Variants in PLSCR2 observed in about 807,000 individuals in gnomAD.
PLSCR2 encodes PL scramblase 2.
In PLSCR2, 18 loss-of-function variants were observed where a neutral mutation model predicts 25.3. The ratio of observed to expected loss-of-function variants is 0.71; its 90% CI spans 0.49 to 1.06. The LOEUF (loss-of-function observed/expected upper bound fraction) is 1.06. Among genes scored for constraint, PLSCR2 ranks in the 50% least tolerant of loss-of-function variants. PLSCR2 has a pLI of 0.00. For synonymous variants in PLSCR2, 88 were observed against 87.3 expected (o/e 1.01, Z -0.04); for missense variants, 243 against 269.5 (o/e 0.90, Z 0.69).
downstream of PLSCR2, among the ~76,000 whole-genome samples, chr3:146,432,523 A>G (rs2039583311): frequency 6.6e-6 from 1 of 152,332 alleles, no homozygotes; most frequent in East Asian, 1.9e-4. Context: ...CTAAGACACC[A>G]TATCTGTATA....
chr3:146,422,566 T>A (rs1205270142), intron 2 of PLSCR2, among the ~76,000 whole-genome samples: 1 of 152,022 alleles, frequency 6.6e-6, no homozygotes, highest in Non-Finnish European at 1.5e-5. Flanking sequence ...TTGATGGAAC[T>A]GGTTATACAT....
At chr3:146,473,180 A>G (rs1180810431) in intron 1 of PLSCR2, among the ~76,000 whole-genome samples, 4 of 152,086 alleles carry the variant, frequency 2.6e-5, no homozygotes, top group African/African-American at 9.6e-5. Context: ...AAATTTGTTG[A>G]AATCTTATGC....
intron 1 of PLSCR2, among the ~76,000 whole-genome samples, chr3:146,480,668 G>T (rs1430250140): frequency 6.6e-6 from 1 of 152,138 alleles, no homozygotes; most frequent in African/African-American, 2.4e-5. Context: ...AGAGGAGATG[G>T]TACCATTCCT....
intron 6 of PLSCR2, among the ~76,000 whole-genome samples, chr3:146,444,562 T>C (rs1318946428): frequency 6.6e-6 from 1 of 152,054 alleles, no homozygotes; most frequent in Non-Finnish European, 1.5e-5. Context: ...ATATATATTG[T>C]CTAGTGTAAG....
At chr3:146,490,533 T>G (rs2043509847) in intron 1 of PLSCR2, among the ~76,000 whole-genome samples, 2 of 152,198 alleles carry the variant, frequency 1.3e-5, no homozygotes, top group Admixed American at 6.5e-5. Flanking sequence ...TTTATGAATC[T>G]GGGTGTTCCA....
In PLSCR2 at chr3:146,411,076, GT is replaced by G. The variant is rs139369809; in HGVS notation, c.101-15156del. On this transcript the variant is annotated intron_variant and NMD_transcript_variant, in intron 2 of 3. Coordinates refer to the PLSCR2 transcript ENST00000463633. Reference sequence around the variant, plus strand: ...CACCATTCACACAGAATTTATAACAGTTTTTTTTTTCTTTCCCGGAGATTCT... The same window carrying G: ...CACCATTCACACAGAATTTATAACAGTTTTTTTTTCTTTCCCGGAGATTCT... Among the ~76,000 whole-genome samples the G allele has an allele frequency of 1.8e-3, 267 of 150,000 alleles. 2 individuals are homozygous for G. The highest frequency in any genetic ancestry group is 6.0e-3 in the African/African-American group (247 of 40,918).
intron 3 of PLSCR2, among the ~76,000 whole-genome samples, chr3:146,393,215 A>C (rs1348150406): frequency 6.6e-6 from 1 of 151,290 alleles, no homozygotes; most frequent in Non-Finnish European, 1.5e-5. Flanking sequence ...TTTTCAGCAG[A>C]GACAGGGTTT....
intron 3 of PLSCR2, among the ~76,000 whole-genome samples, chr3:146,455,745 G>T (rs1166262597): frequency 6.6e-6 from 1 of 152,180 alleles, no homozygotes; most frequent in Non-Finnish European, 1.5e-5. Context: ...GCTGCTGAGG[G>T]TTGGGGCAAT....
intron 2 of PLSCR2, among the ~76,000 whole-genome samples, chr3:146,403,306 A>G (rs947597463): frequency 1.3e-5 from 2 of 152,198 alleles, no homozygotes; most frequent in Non-Finnish European, 2.9e-5. Context: ...AAGTGTCTTC[A>G]TTTAGAGTGG....
intron 3 of PLSCR2, among the ~76,000 whole-genome samples, chr3:146,391,923 T>C (rs1274243056): frequency 2.6e-5 from 4 of 152,144 alleles, no homozygotes; most frequent in Non-Finnish European, 5.9e-5. Flanking sequence ...AATCCCAAAA[T>C]CTACCATAAG....
intron 2 of PLSCR2, among the ~76,000 whole-genome samples, chr3:146,420,707 A>G (rs2039119866): frequency 6.6e-6 from 1 of 152,104 alleles, no homozygotes; most frequent in Admixed American, 6.6e-5. Context: ...AATACTTTCT[A>G]TATTATAGAT....
chr3:146,399,850 A>G (rs183604186), intron 2 of PLSCR2, among the ~76,000 whole-genome samples: 2 of 146,946 alleles, frequency 1.4e-5, no homozygotes, highest in Non-Finnish European at 3.0e-5. Flanking sequence ...TTTTCTTACC[A>G]TATATAAGTA....
chr3:146,408,764 G>A (rs576300254), intron 2 of PLSCR2, among the ~76,000 whole-genome samples: 1 of 152,232 alleles, frequency 6.6e-6, no homozygotes, highest in East Asian at 1.9e-4. Context: ...TCGGGCCCTT[G>A]GACAACTTCG....
Position 146,393,000 on chromosome 3 carries a change from A to T in PLSCR2, c.*146-1438T>A, listed in dbSNP as rs530210377. On this transcript the variant is annotated intron_variant and NMD_transcript_variant, in intron 3 of 3. Coordinates refer to the PLSCR2 transcript ENST00000463633. The stretch of plus-strand genomic sequence containing the variant: ...TTTAAATTTTTTGTTACGGCTTTTT[A>T]AAAAAATAATTGGGTTATTTACATT... Among the ~76,000 whole-genome samples the T allele has an allele frequency of 2.3e-3, 344 of 150,402 alleles. 2 individuals carry two copies. Among genetic ancestry groups the T allele is most frequent in the African/African-American group, 8.2e-3 (337 of 41,072 alleles).
chr3:146,400,732 C>G (rs1361609209), intron 2 of PLSCR2, among the ~76,000 whole-genome samples: 1 of 151,660 alleles, frequency 6.6e-6, no homozygotes, highest in Non-Finnish European at 1.5e-5. Context: ...AAGACTTACT[C>G]TACAGCTGGT....
intron 2 of PLSCR2, among the ~76,000 whole-genome samples, chr3:146,411,471 G>A (rs955783339): frequency 2.0e-5 from 3 of 152,208 alleles, no homozygotes; most frequent in Non-Finnish European, 2.9e-5. Context: ...GCTCTCCTCC[G>A]GAAGACGGTC....
chr3:146,481,051 C>T lies in PLSCR2; in HGVS notation c.-293+14844G>A, dbSNP rs1222966634. ...TCAACAGCTCCTCATATTAAAAACT[C>T]TCAATAAACTAGGTATTGATGGTAC... On this transcript the variant is annotated intron_variant, in intron 1 of 8. Transcript: ENST00000336685. Among the ~76,000 whole-genome samples, 3 of 152,158 alleles carry T rather than the reference C, an allele frequency of 2.0e-5. No homozygotes were observed. The East Asian group carries it at 5.8e-4, about 29-fold the overall frequency.
chr3:146,451,414 A>G (rs929490080), intron 5 of PLSCR2, among the ~76,000 whole-genome samples: 3 of 152,058 alleles, frequency 2.0e-5, no homozygotes, highest in Non-Finnish European at 4.4e-5. Context: ...CCCGGCCTAC[A>G]TTAAGTTTTT....
exon 2 of PLSCR2, chr3:146,459,883 A>ATGG (rs1223079746): frequency 6.2e-7 from 1 of 1,613,638 alleles, no homozygotes; most frequent in Admixed American, 1.7e-5. Flanking sequence ...GGACAGTTTA[A>ATGG]TGGTGGTGGT....
Sources: gnomAD v4.1 joint callset for allele counts (sites outside exome capture counted in the v4.1 genomes callset) on GRCh38, gnomAD v4.1.1 for gene constraint, MANE v1.5 for transcripts, NCBI Gene and HGNC (gene_info 2026-07-23, HGNC 2026-07-21) for gene names.